The following NUP160 variants were observed in gnomAD, a reference collection of about 807,000 sequenced individuals.
The protein encoded by NUP160 is nucleoporin 160.
In NUP160, 94 loss-of-function variants were observed where a neutral mutation model predicts 196.9. The ratio of observed to expected loss-of-function variants is 0.48; its 90% confidence interval spans 0.40 to 0.57. NUP160 has a LOEUF of 0.57. Ranked by LOEUF, NUP160 falls within the 20% of genes least tolerant of loss-of-function variation. The pLI is 0.00. For synonymous variants in NUP160, 605 were observed against 619.7 expected (o/e 0.98, Z 0.35); for missense variants, 1,638 against 1,748.3 (o/e 0.94, Z 1.13).
chr11:47,829,011 G>A (rs150414179), intron 7 of NUP160, among the ~76,000 whole-genome samples: 372 of 152,106 alleles, frequency 2.4e-3, no homozygotes, highest in Middle Eastern at 0.014. Flanking sequence ...AAACATAAGA[G>A]TAAATCGTTA....
exon 25 of NUP160, chr11:47,798,221 C>A: frequency 6.2e-7 from 1 of 1,612,380 alleles, no homozygotes; most frequent in Non-Finnish European, 8.5e-7. Context: ...TATTGTGACC[C>A]AAATCCAAAT....
intron 7 of NUP160, among the ~76,000 whole-genome samples, chr11:47,828,934 C>T (rs552344124): frequency 1.3e-5 from 2 of 151,818 alleles, no homozygotes; most frequent in South Asian, 2.1e-4. Context: ...AAAAAAAACC[C>T]CACAAAACTA....
Position 47,824,795 on chromosome 11 carries a change from C to T in NUP160, c.1102-2631G>A, listed in dbSNP as rs922570853. Among the ~76,000 whole-genome samples, 17 of 148,536 alleles carry T rather than the reference C, an allele frequency of 1.1e-4. No homozygotes were observed. In the East Asian group the frequency reaches 2.4e-3, roughly 21 times the overall value. ...GCTAGTAATGCAGGCATGTTCTACCCGACCCAGCTTTTTCTTTTGTTTTTT... is the reference window on the plus strand; with the variant it reads ...GCTAGTAATGCAGGCATGTTCTACCTGACCCAGCTTTTTCTTTTGTTTTTT... On this transcript the variant is annotated intron_variant, in intron 7 of 35. Coordinates refer to ENST00000378460, the Ensembl canonical transcript of NUP160.
chr11:47,813,018 G>T (rs1392489739), exon 15 of NUP160: 2 of 1,610,720 alleles, frequency 1.2e-6, no homozygotes, highest in South Asian at 1.1e-5. Context: ...CATTTTATAA[G>T]ACATATGACA....
At chr11:47,779,550 T>C in intron 35 of NUP160, 1 of 516,890 alleles carries the variant, frequency 1.9e-6, no homozygotes, top group Non-Finnish European at 3.8e-6. Context: ...ATATTTTAGA[T>C]AGGCTCAGGA....
intron 23 of NUP160, among the ~76,000 whole-genome samples, 155 bp downstream of exon 23, chr11:47,801,656 C>G (rs957464446): frequency 6.6e-6 from 1 of 151,996 alleles, no homozygotes; most frequent in African/African-American, 2.4e-5. Context: ...GGCCATGTTT[C>G]TTTAATTTCT....
At chr11:47,827,826 A>C (rs1852001802) in intron 7 of NUP160, among the ~76,000 whole-genome samples, 1 of 152,166 alleles carries the variant, frequency 6.6e-6, no homozygotes, top group Non-Finnish European at 1.5e-5. Context: ...ACAAGAAAGA[A>C]GGAAAAGAAA....
chr11:47,815,597 A>T lies in NUP160; in HGVS notation c.1568T>A (p.Leu523Ter). 1 of 1,612,396 alleles carries T rather than the reference A, an allele frequency of 6.2e-7. No individual in the cohort carries two copies. Among genetic ancestry groups the T allele is most frequent in the Non-Finnish European group, 8.5e-7 (1 of 1,179,484 alleles). The stretch of plus-strand genomic sequence containing the variant: ...GAACTTGCACCAGAATTCTTGTTGT[A>T]AATTTCGAAACTCCTCCTGGGAGAA... Residue 523 changes from leucine to a stop codon, truncating the protein, a stop_gained, in exon 13 of 36, where the codon TTA (leucine) becomes TAA (stop). Transcript: ENST00000378460. LOFTEE classifies it high-confidence loss of function.
intron 7 of NUP160, chr11:47,827,299 G>A (rs1434899223): frequency 2.7e-6 from 1 of 369,962 alleles, no homozygotes; most frequent in African/African-American, 2.1e-5. Context: ...GAGAGGTGGA[G>A]GTTGCAGTGA....
At chr11:47,842,590 C>A (rs1319420713) in intron 2 of NUP160, among the ~76,000 whole-genome samples, 2 of 152,252 alleles carry the variant, frequency 1.3e-5, no homozygotes, top group East Asian at 3.9e-4. Flanking sequence ...AGCTCTGAAG[C>A]TCATGGAATC....
chr11:47,825,343 T>C (rs1329541139), intron 7 of NUP160, among the ~76,000 whole-genome samples: 1 of 151,736 alleles, frequency 6.6e-6, no homozygotes, highest in Non-Finnish European at 1.5e-5. Flanking sequence ...AGTGCAGTGG[T>C]GTGATCTCGG....
intron 21 of NUP160, chr11:47,804,347 T>C: frequency 2.0e-6 from 1 of 504,332 alleles, no homozygotes. Context: ...CCCAACCCTA[T>C]TTAGCTTCGT....
chr11:47,826,373 G>GACATAC (rs1851968274), intron 7 of NUP160, among the ~76,000 whole-genome samples: 4 of 152,174 alleles, frequency 2.6e-5, no homozygotes, highest in Admixed American at 2.6e-4. Flanking sequence ...AAGTTATTCT[G>GACATAC]ATTTTAGGCT....
chr11:47,818,918 T>C (rs1851796140), intron 10 of NUP160, among the ~76,000 whole-genome samples: 1 of 152,318 alleles, frequency 6.6e-6, no homozygotes, highest in Middle Eastern at 3.4e-3. Flanking sequence ...CTCCTGCAAA[T>C]AGTCATTGTT....
chr11:47,820,356 T>TA (rs1408156713), intron 9 of NUP160: 1 of 152,102 alleles, frequency 6.6e-6, no homozygotes, highest in Non-Finnish European at 1.5e-5. Context: ...TCATCTACAT[T>TA]AAAAAATATT....
intron 13 of NUP160, 156 bp downstream of exon 13, chr11:47,815,323 A>G: frequency 2.3e-6 from 1 of 442,186 alleles, no homozygotes; most frequent in Non-Finnish European, 3.9e-6. Context: ...ATTTTAGGGG[A>G]AAAAATACAA....
chr11:47,813,262 G>A, intron 14 of NUP160, 54 bp downstream of exon 14: 1 of 1,311,270 alleles, frequency 7.6e-7, no homozygotes, highest in East Asian at 2.3e-5. Flanking sequence ...GTGAAACGAA[G>A]CATAGGGTTT....
At chr11:47,805,040 A>T (rs1343050530) in intron 20 of NUP160, among the ~76,000 whole-genome samples, 1 of 152,210 alleles carries the variant, frequency 6.6e-6, no homozygotes, top group African/African-American at 2.4e-5. Flanking sequence ...CAGCTGGTGT[A>T]CCGCAGAACA....
intron 17 of NUP160, among the ~76,000 whole-genome samples, chr11:47,810,074 C>A (rs989103813): frequency 6.6e-6 from 1 of 151,780 alleles, no homozygotes; most frequent in African/African-American, 2.4e-5. Context: ...AAACAAAAAA[C>A]CTGAAAAAAA....
Sources: allele counts gnomAD v4.1 joint callset (sites outside exome capture counted in the v4.1 genomes callset), GRCh38; gene constraint gnomAD v4.1.1; transcripts MANE v1.5; gene names NCBI Gene and HGNC (gene_info 2026-07-23, HGNC 2026-07-21).